The following DMD variants were observed in gnomAD, a reference collection of about 807,000 sequenced individuals.
DMD encodes the protein mutant dystrophin.
A neutral mutation model predicts 330.1 loss-of-function variants in DMD; 63 were observed. The ratio of observed to expected loss-of-function variants is 0.19; its 90% CI spans 0.16 to 0.24. The LOEUF is 0.24. Among genes scored for constraint, DMD ranks in the 10% least tolerant of loss-of-function variants. DMD has a pLI of 1.00. For missense variants in DMD, 3,344 were observed against 2,684.1 expected (o/e 1.25, Z -5.43); for synonymous variants, 1,223 against 959.8 (o/e 1.27, Z -5.07).
At chrX:32,886,721 G>C (rs1027991801) in intron 2 of DMD, among the ~76,000 whole-genome samples, 1 of 111,601 alleles carries the variant, frequency 9.0e-6, no homozygotes, top group Non-Finnish European at 1.9e-5. Context: ...ATAATTTCAT[G>C]CGCTGGAAGC....
At chrX:33,314,840 C>T (rs964019464) in intron 1 of DMD, among the ~76,000 whole-genome samples, 2 of 109,207 alleles carry the variant, frequency 1.8e-5, no homozygotes, top group Admixed American at 9.8e-5. Flanking sequence ...TTTTTTGATA[C>T]GGAGTTTCAC....
At chrX:32,648,688 T>G (rs2059933397) in intron 9 of DMD, among the ~76,000 whole-genome samples, 1 of 112,232 alleles carries the variant, frequency 8.9e-6, no homozygotes, top group Non-Finnish European at 1.9e-5. Flanking sequence ...TACATTTGTA[T>G]ATTTTCCATA....
chrX:32,330,177 C>T (rs2097672261), intron 41 of DMD, among the ~76,000 whole-genome samples: 1 of 111,988 alleles, frequency 8.9e-6, no homozygotes, highest in Non-Finnish European at 1.9e-5. Context: ...TATGTTATAA[C>T]ATCAAGGCTA....
intron 67 of DMD, among the ~76,000 whole-genome samples, chrX:31,198,594 T>A (rs946411518): frequency 7.1e-5 from 8 of 112,282 alleles, no homozygotes; most frequent in African/African-American, 2.6e-4. Context: ...TAAAACATAC[T>A]TTTTTACCTG....
At chrX:32,141,767 G>A (rs992532695) in intron 44 of DMD, among the ~76,000 whole-genome samples, 3 of 108,126 alleles carry the variant, frequency 2.8e-5, no homozygotes, top group East Asian at 5.9e-4. Flanking sequence ...CATGTAGAAA[G>A]CCTTAATTTT....
intron 44 of DMD, among the ~76,000 whole-genome samples, chrX:32,140,242 A>G (rs968664604): frequency 8.9e-6 from 1 of 112,172 alleles, no homozygotes; most frequent in African/African-American, 3.2e-5. Flanking sequence ...CTCAAATGGA[A>G]CTGAGTTGTT....
At chrX:33,161,019 C>CA (rs769289327) in intron 1 of DMD, among the ~76,000 whole-genome samples, 1 of 111,490 alleles carries the variant, frequency 9.0e-6, no homozygotes, top group East Asian at 2.8e-4. Context: ...TTCGATATTC[C>CA]AGAACTCTTT....
At chrX:31,646,253 T>TTG (rs3032279) in intron 54 of DMD, among the ~76,000 whole-genome samples, 20,456 of 102,798 alleles carry the variant, frequency 0.2, 1,676 homozygotes, top group Admixed American at 0.26. Context: ...GTGTTGTGTG[T>TTG]TGTGTGTGTG....
intron 74 of DMD, among the ~76,000 whole-genome samples, chrX:31,162,983 C>T (rs1051333178): frequency 1.8e-5 from 2 of 112,006 alleles, no homozygotes; most frequent in Admixed American, 1.9e-4. Flanking sequence ...CCCATTCTTA[C>T]ACAGCTTCTT....
chrX:33,001,598 T>A (rs1476498226), intron 2 of DMD, among the ~76,000 whole-genome samples: 2 of 111,808 alleles, frequency 1.8e-5, no homozygotes, highest in African/African-American at 3.2e-5. Context: ...TCTTTACAAC[T>A]TTTTTGTTTT....
chrX:32,245,626 CT>C (rs2097233059), intron 43 of DMD, among the ~76,000 whole-genome samples: 1 of 53,245 alleles, frequency 1.9e-5, no homozygotes, highest in Non-Finnish European at 3.1e-5. Context: ...TTTGTATCCT[CT>C]TTTATTTCCT....
intron 1 of DMD, among the ~76,000 whole-genome samples, chrX:33,238,476 C>T (rs1302601948): frequency 9.0e-6 from 1 of 111,213 alleles, no homozygotes; most frequent in Non-Finnish European, 1.9e-5. Context: ...ATTCCTTATA[C>T]AGCACCCTCT....
At chrX:31,529,459 C>T (rs1360587108) in intron 55 of DMD, among the ~76,000 whole-genome samples, 1 of 111,561 alleles carries the variant, frequency 9.0e-6, no homozygotes, top group Non-Finnish European at 1.9e-5. Flanking sequence ...TAAACTGGGA[C>T]AGCCGGAGAC....
chrX:32,902,204 CA>C (rs1456017951), intron 2 of DMD, among the ~76,000 whole-genome samples: 2 of 105,967 alleles, frequency 1.9e-5, no homozygotes, highest in Non-Finnish European at 3.9e-5. Context: ...CACGCAGAAA[CA>C]TGGACATTTT....
rs189601135 is a variant in DMD at position 32,025,223 on chromosome X, C to T, written c.6439-56709G>A. ...AAAACAGAAATCTTGCATTTGACTTCGTATCACTTAAAAGCACTTAGAACT... is the reference window on the plus strand; with the variant it reads ...AAAACAGAAATCTTGCATTTGACTTTGTATCACTTAAAAGCACTTAGAACT... On this transcript the variant is annotated intron_variant, in intron 44 of 78. Transcript: ENST00000357033. Among the ~76,000 whole-genome samples the T allele has an allele frequency of 3.8e-3, 429 of 112,118 alleles. 4 individuals carry two copies. The highest frequency in any genetic ancestry group is 5.0e-3 in the Non-Finnish European group (268 of 53,218).
chrX:32,381,730 A>T (rs753485730), intron 33 of DMD, among the ~76,000 whole-genome samples: 2 of 111,423 alleles, frequency 1.8e-5, no homozygotes, highest in Non-Finnish European at 3.8e-5. Flanking sequence ...AATTTACATA[A>T]AGAGTTTATA....
intron 9 of DMD, among the ~76,000 whole-genome samples, chrX:32,650,419 A>G (rs2060071965): frequency 9.0e-6 from 1 of 111,593 alleles, no homozygotes; most frequent in Admixed American, 9.6e-5. Flanking sequence ...GGTGTATTCT[A>G]TAATCTTTTT....
intron 7 of DMD, among the ~76,000 whole-genome samples, chrX:32,741,484 G>A (rs771940703): frequency 5.4e-5 from 6 of 111,478 alleles, no homozygotes; most frequent in Admixed American, 2.9e-4. Flanking sequence ...TATTGTTGTC[G>A]TTAAGGTGAT....
chrX:31,479,689 T>C (rs2068092881), intron 57 of DMD, among the ~76,000 whole-genome samples: 1 of 112,365 alleles, frequency 8.9e-6, no homozygotes, highest in Non-Finnish European at 1.9e-5. Flanking sequence ...ATAGTAGAAA[T>C]GTTTTGAGCT....
Sources: allele counts gnomAD v4.1 joint callset (sites outside exome capture counted in the v4.1 genomes callset), GRCh38; gene constraint gnomAD v4.1.1; transcripts MANE v1.5; gene names NCBI Gene and HGNC (gene_info 2026-07-23, HGNC 2026-07-21).